The following DPYD variants were observed in gnomAD, a reference collection of about 807,000 sequenced individuals.
DPYD encodes the protein dihydropyrimidine dehydrogenase, also known as dihydropyrimidine dehydrogenase [NADP(+)].
In DPYD, 109 loss-of-function variants were observed where a neutral mutation model predicts 116.2. The observed-to-expected ratio is 0.94, with a 90% CI of 0.80 to 1.10. The LOEUF (loss-of-function observed/expected upper bound fraction) is 1.10, where lower values mean the gene tolerates loss of function less well. Ranked by LOEUF, DPYD falls within the 50% of genes least tolerant of loss-of-function variation. The pLI is 0.00. For synonymous variants in DPYD, 440 were observed against 432.0 expected, an observed-to-expected ratio of 1.02 and a Z score of -0.23; for missense variants, 1,302 against 1,254.5, an observed-to-expected ratio of 1.04 and a Z score of -0.57.
intron 19 of DPYD, among the ~76,000 whole-genome samples, chr1:97,205,947 G>A (rs148961937): frequency 2.0e-5 from 3 of 152,094 alleles, no homozygotes; most frequent in Non-Finnish European, 2.9e-5. Flanking sequence ...GGCATCTCCA[G>A]CGCTTAATGG....
chr1:97,493,904 G>C (rs1319617396), intron 13 of DPYD, among the ~76,000 whole-genome samples: 1 of 152,112 alleles, frequency 6.6e-6, no homozygotes, highest in African/African-American at 2.4e-5. Flanking sequence ...TAACAAGATA[G>C]AAGAGGGCAA....
chr1:97,096,459 G>A (rs1175011332), intron 21 of DPYD, among the ~76,000 whole-genome samples: 1 of 152,150 alleles, frequency 6.6e-6, no homozygotes, highest in African/African-American at 2.4e-5. Flanking sequence ...ATTAAGAAGA[G>A]AGAGAAAGCT....
intron 14 of DPYD, among the ~76,000 whole-genome samples, chr1:97,399,563 A>T (rs1260347706): frequency 6.6e-6 from 1 of 152,266 alleles, no homozygotes; most frequent in Admixed American, 6.5e-5. Flanking sequence ...CACGATATTT[A>T]TTCTTCCTGT....
chr1:97,162,468 A>G (rs576543835), intron 20 of DPYD, among the ~76,000 whole-genome samples: 87 of 152,296 alleles, frequency 5.7e-4, no homozygotes, highest in Non-Finnish European at 7.9e-4. Context: ...CCACTGCTCA[A>G]TGAAATAAAA....
intron 3 of DPYD, among the ~76,000 whole-genome samples, chr1:97,765,041 T>C (rs915280118): frequency 2.0e-5 from 3 of 152,218 alleles, no homozygotes; most frequent in Admixed American, 2.0e-4. Flanking sequence ...GCCAATCTTC[T>C]TTAAATATTT....
chr1:97,115,341 T>C (rs947064656), intron 20 of DPYD, among the ~76,000 whole-genome samples: 1 of 152,206 alleles, frequency 6.6e-6, no homozygotes, highest in Non-Finnish European at 1.5e-5. Context: ...TTCTTCAGTT[T>C]GTCATCAACA....
chr1:97,166,360 A>C (rs1028984240), intron 20 of DPYD, among the ~76,000 whole-genome samples: 1 of 152,128 alleles, frequency 6.6e-6, no homozygotes, highest in Non-Finnish European at 1.5e-5. Flanking sequence ...GTGGGAGCTA[A>C]AGAATGAGAA....
intron 18 of DPYD, among the ~76,000 whole-genome samples, chr1:97,268,203 G>A (rs896436964): frequency 6.6e-6 from 1 of 152,096 alleles, no homozygotes; most frequent in Non-Finnish European, 1.5e-5. Context: ...TAGGGATTGG[G>A]CAGCCCTGTT....
intron 8 of DPYD, among the ~76,000 whole-genome samples, chr1:97,648,798 A>C (rs2100836758): frequency 6.6e-6 from 1 of 152,168 alleles, no homozygotes; most frequent in Non-Finnish European, 1.5e-5. Context: ...AATAGAACAA[A>C]GAATTGTTAA....
chr1:97,102,712 A>C (rs568302446), intron 20 of DPYD, among the ~76,000 whole-genome samples: 1 of 151,908 alleles, frequency 6.6e-6, no homozygotes. Flanking sequence ...CCTGTGCTAC[A>C]CTAAAGGCTA....
chr1:97,267,589 G>A (rs1316384722), intron 18 of DPYD, among the ~76,000 whole-genome samples: 1 of 152,016 alleles, frequency 6.6e-6, no homozygotes, highest in Admixed American at 6.6e-5. Flanking sequence ...GCAGCCTCAA[G>A]CGCTTTTATA....
chr1:97,770,026 T>C (rs907682127), intron 3 of DPYD, among the ~76,000 whole-genome samples: 1 of 152,228 alleles, frequency 6.6e-6, no homozygotes, highest in African/African-American at 2.4e-5. Context: ...GCCTGAATGA[T>C]ATTAAAAAGC....
intron 12 of DPYD, among the ~76,000 whole-genome samples, chr1:97,540,037 T>G (rs1450468195): frequency 6.6e-6 from 1 of 152,092 alleles, no homozygotes; most frequent in Non-Finnish European, 1.5e-5. Context: ...ACCAGGTGTG[T>G]GCGAACTGCT....
chr1:97,490,373 A>G (rs964841652), intron 13 of DPYD, among the ~76,000 whole-genome samples: 2 of 148,056 alleles, frequency 1.4e-5, no homozygotes, highest in African/African-American at 4.9e-5. Context: ...ATTATCATAT[A>G]TATTATTAAC....
At chr1:97,181,165 T>C (rs1008045952) in intron 20 of DPYD, among the ~76,000 whole-genome samples, 3 of 152,160 alleles carry the variant, frequency 2.0e-5, no homozygotes, top group Non-Finnish European at 4.4e-5. Flanking sequence ...GAGCTTCCTC[T>C]ATACAGGGCT....
intron 18 of DPYD, among the ~76,000 whole-genome samples, chr1:97,298,415 G>A (rs556027287): frequency 4.8e-4 from 73 of 152,174 alleles, no homozygotes; most frequent in Admixed American, 1.6e-3. Flanking sequence ...ACCTCACCAA[G>A]AGGATGTTGA....
intron 14 of DPYD, among the ~76,000 whole-genome samples, chr1:97,403,150 T>C (rs531219090): frequency 9.2e-5 from 14 of 152,218 alleles, no homozygotes; most frequent in African/African-American, 3.4e-4. Flanking sequence ...AGAGGCTCCT[T>C]GACTTACGAT....
At chr1:97,495,566 A>G (rs1679214254) in intron 13 of DPYD, among the ~76,000 whole-genome samples, 1 of 152,042 alleles carries the variant, frequency 6.6e-6, no homozygotes, top group Admixed American at 6.6e-5. Context: ...TTACATTAGC[A>G]TTTGAATCTG....
At chr1:97,824,029 T>A (rs1177801682) in intron 3 of DPYD, among the ~76,000 whole-genome samples, 3 of 152,144 alleles carry the variant, frequency 2.0e-5, no homozygotes, top group Non-Finnish European at 4.4e-5. Context: ...GTATCTATTA[T>A]CAATTACAGA....
Sources: allele counts gnomAD v4.1 joint callset (sites outside exome capture counted in the v4.1 genomes callset), GRCh38; gene constraint gnomAD v4.1.1; transcripts MANE v1.5; gene names NCBI Gene and HGNC (gene_info 2026-07-23, HGNC 2026-07-21).